Variants in ADIPOQ observed in about 807,000 individuals in gnomAD.
ADIPOQ encodes adiponectin, C1Q and collagen domain containing.
A neutral mutation model predicts 16.1 loss-of-function variants in ADIPOQ; 19 were observed. The ratio of observed to expected loss-of-function variants is 1.18; its 90% CI spans 0.82 to 1.73. The LOEUF is 1.73. Ranked by LOEUF, ADIPOQ falls within the 40% of genes most tolerant of loss-of-function variation. The pLI, the probability that ADIPOQ is intolerant of heterozygous loss-of-function variation, is 0.00. For synonymous variants in ADIPOQ, 124 were observed against 125.5 expected (o/e 0.99, Z 0.08); for missense variants, 323 against 308.3 (o/e 1.05, Z -0.36).
intron 1 of ADIPOQ, among the ~76,000 whole-genome samples, chr3:186,849,900 A>G (rs1203550151): frequency 7.1e-6 from 1 of 140,292 alleles, no homozygotes; most frequent in Non-Finnish European, 1.6e-5. Flanking sequence ...AATTTTAACT[A>G]TATCAAACAA....
At chr3:186,849,441 C>T (rs989792536) in intron 1 of ADIPOQ, among the ~76,000 whole-genome samples, 3 of 152,198 alleles carry the variant, frequency 2.0e-5, no homozygotes, top group Admixed American at 2.0e-4. Flanking sequence ...CTTGGCTTCT[C>T]ATGTAGCTCA....
chr3:186,855,205 G>A lies in ADIPOQ; in HGVS notation c.*501G>A. 5.9e-6 allele frequency: 1 copy of A among 170,562 alleles called. No homozygotes were observed. Among genetic ancestry groups the A allele is most frequent in the Admixed American group, 5.6e-5 (1 of 18,006 alleles). The allele number at this position is 170,562 out of a possible 1,614,324, so 10.6% of individuals were successfully genotyped here. A position where few individuals can be genotyped will look rare whatever the true frequency, so the allele number is the denominator to read the frequency against. ...TGTCTGTTTCCCACCTCACCTGAGA[G>A]CCATTGAATTTGCCTTCCTCATGAA... On this transcript the variant is annotated 3_prime_UTR_variant, in exon 3 of 3. Transcript: ENST00000320741.
chr3:186,845,374 A>C (rs1305934431), intron 1 of ADIPOQ, among the ~76,000 whole-genome samples: 2 of 151,642 alleles, frequency 1.3e-5, no homozygotes, highest in South Asian at 2.1e-4. Context: ...ATTTATTTTT[A>C]TTTTTATTTT....
At chr3:186,843,237 T>C (rs1276487442) in intron 1 of ADIPOQ, among the ~76,000 whole-genome samples, 2 of 152,172 alleles carry the variant, frequency 1.3e-5, no homozygotes. Context: ...ACTCAGCAAA[T>C]ATTTACTGAG....
At chr3:186,853,978 G>A (rs1579209697) in intron 2 of ADIPOQ, 1 of 585,160 alleles carries the variant, frequency 1.7e-6, no homozygotes, top group East Asian at 2.8e-5. Flanking sequence ...GATAAAGATA[G>A]AGTTGAAATT....
intron 1 of ADIPOQ, among the ~76,000 whole-genome samples, chr3:186,845,192 G>T (rs185574051): frequency 1.2e-3 from 186 of 151,974 alleles, no homozygotes; most frequent in African/African-American, 4.2e-3. Flanking sequence ...GTGTATGGGT[G>T]CGGGTATGTG....
In ADIPOQ at chr3:186,854,815, TTCATTCATTTAC is replaced by T; in HGVS notation, c.*123_*134del. 2 of 1,384,894 alleles carry T rather than the reference TTCATTCATTTAC, an allele frequency of 1.4e-6. No individual in the cohort carries two copies. The highest frequency in any genetic ancestry group is 2.5e-4 in the Middle Eastern group (1 of 3,972). The allele number at this position is 1,384,894 out of a possible 1,614,324, so 85.8% of individuals were successfully genotyped here. A position where few individuals can be genotyped will look rare whatever the true frequency, so the allele number is the denominator to read the frequency against. ...TTTAGTTGGAGGCCTTTAGATATTA[TTCATTCATTTAC>T]TCATTCATTTATTCATTCATTCATC... is the stretch of plus-strand genomic sequence containing the variant. On this transcript the variant is annotated 3_prime_UTR_variant, in exon 3 of 3. Coordinates refer to ENST00000320741, the MANE Select transcript of ADIPOQ (RefSeq NM_004797.4).
At position 186,854,999 on chromosome 3, in the gene ADIPOQ, C is replaced by A. The variant is rs1711943615; in HGVS notation, c.*295C>A. 2.3e-6 allele frequency: 1 copy of A among 442,528 alleles called. No homozygotes were observed. Among genetic ancestry groups the A allele is most frequent in the East Asian group, 4.8e-5 (1 of 20,656 alleles). 27.4% of individuals were successfully genotyped at this position (442,528 alleles called of 1,614,324 possible). A position where few individuals can be genotyped will look rare whatever the true frequency, so the allele number is the denominator to read the frequency against. ...ATGCTCATATCAATCCTATAAGGCA[C>A]AGGGAACAAGCATTCTCCTGTTTTT... On this transcript the variant is annotated 3_prime_UTR_variant, in exon 3 of 3. Transcript: ENST00000320741.
chr3:186,844,507 A>G (rs1711527598), intron 1 of ADIPOQ, among the ~76,000 whole-genome samples: 1 of 66,236 alleles, frequency 1.5e-5, no homozygotes, highest in Non-Finnish European at 2.8e-5. Flanking sequence ...GCAAAACTCC[A>G]TCTCAAAAAA....
At chr3:186,848,557 C>A (rs1199564359) in intron 1 of ADIPOQ, among the ~76,000 whole-genome samples, 2 of 152,032 alleles carry the variant, frequency 1.3e-5, no homozygotes, top group Non-Finnish European at 2.9e-5. Context: ...ATCCGCTAAA[C>A]GGGATTATGT....
At position 186,857,723 on chromosome 3, in the gene ADIPOQ, T is replaced by C. The variant is rs975755955; in HGVS notation, c.*3019T>C. ...TCCAATTCTCTTTAGTTCTGTCAGC[T>C]TTTGCTTCATATATTTTAGCGCTCT... On this transcript the variant is annotated 3_prime_UTR_variant, in exon 3 of 3. Coordinates refer to ENST00000320741, the MANE Select transcript of ADIPOQ (RefSeq NM_004797.4). 3 of 152,216 alleles carry C rather than the reference T, an allele frequency of 2.0e-5. No homozygotes were observed. The highest frequency in any genetic ancestry group is 7.2e-5 in the African/African-American group (3 of 41,462). The allele number at this position is 152,216 out of a possible 1,614,324, so 9.4% of individuals were successfully genotyped here. A position where few individuals can be genotyped will look rare whatever the true frequency, so the allele number is the denominator to read the frequency against.
At chr3:186,844,087 C>T (rs1283872483) in intron 1 of ADIPOQ, among the ~76,000 whole-genome samples, 1 of 152,184 alleles carries the variant, frequency 6.6e-6, no homozygotes, top group Admixed American at 6.5e-5. Flanking sequence ...CAGAATATGT[C>T]CGAAGGAGCA....
intron 1 of ADIPOQ, among the ~76,000 whole-genome samples, chr3:186,848,255 A>G (rs1452446121): frequency 6.2e-5 from 4 of 64,438 alleles, no homozygotes; most frequent in African/African-American, 1.6e-4. Context: ...GGAAAGAAGG[A>G]AGGAAGGAAG....
At chr3:186,853,004 T>C in intron 1 of ADIPOQ, 47 bp from the exon 2 acceptor site, 6 of 1,598,018 alleles carry the variant, frequency 3.8e-6, no homozygotes, top group South Asian at 1.1e-5. Flanking sequence ...TGGGTGTGTG[T>C]GTGGGGTCTG....
Position 186,854,506 on chromosome 3 carries a change from CA to C in ADIPOQ, c.539del (p.Lys180ArgfsTer69). ...DVKVSLFKKD[K>X]AMLFTYDQYQ... ...TGAAGGTCAGCCTCTTCAAGAAGGACAAGGCTATGCTCTTCACCTATGATCA... is the reference window on the plus strand; with the variant it reads ...TGAAGGTCAGCCTCTTCAAGAAGGACAGGCTATGCTCTTCACCTATGATCA... On this transcript the variant is annotated frameshift_variant, in exon 3 of 3. Coordinates refer to ENST00000320741, the MANE Select transcript of ADIPOQ (RefSeq NM_004797.4). LOFTEE classifies it high-confidence loss of function. The C allele has an allele frequency of 4.3e-6, 7 of 1,614,162 alleles. No homozygotes were observed. Among genetic ancestry groups the C allele is most frequent in the Non-Finnish European group, 5.9e-6 (7 of 1,179,982 alleles).
chr3:186,854,880 T>C lies in ADIPOQ; in HGVS notation c.*176T>C. On this transcript the variant is annotated 3_prime_UTR_variant, in exon 3 of 3. Transcript: ENST00000320741. Reference sequence around the variant, plus strand: ...GTAACTTTAAAAAAATCATATGCTATGTTCCCAGTCCTGGGGAGCTTCACA... The same window carrying C: ...GTAACTTTAAAAAAATCATATGCTACGTTCCCAGTCCTGGGGAGCTTCACA... 1.1e-6 allele frequency: 1 copy of C among 929,004 alleles called. No individual in the cohort carries two copies. The highest frequency in any genetic ancestry group is 1.6e-6 in the Non-Finnish European group (1 of 619,434). The allele number at this position is 929,004 out of a possible 1,614,324, so 57.5% of individuals were successfully genotyped here.
chr3:186,842,814 C>T (rs1458337926), intron 1 of ADIPOQ, 65 bp downstream of exon 1: 1 of 152,474 alleles, frequency 6.6e-6, no homozygotes, highest in Admixed American at 6.5e-5. Flanking sequence ...TGGCTGGGAT[C>T]ACCCAGGCTC....
intron 1 of ADIPOQ, chr3:186,852,250 G>A (rs564517469): frequency 6.6e-6 from 1 of 152,642 alleles, no homozygotes; most frequent in Admixed American, 6.5e-5. Flanking sequence ...ACACAGAGGG[G>A]AAAGAACCAG....
chr3:186,854,568 C>G lies in ADIPOQ; in HGVS notation c.599C>G (p.Ser200Cys). 1 of 1,614,062 alleles carries G rather than the reference C, an allele frequency of 6.2e-7. No individual in the cohort carries two copies. The highest frequency in any genetic ancestry group is 8.5e-7 in the Non-Finnish European group (1 of 1,179,920). ...AATAATGTGGACCAGGCCTCCGGCT[C>G]TGTGCTCCTGCATCTGGAGGTGGGC... is the stretch of plus-strand genomic sequence containing the variant. ...QENNVDQASG[S>C]VLLHLEVGDQ... Residue 200 changes from serine to cysteine, a missense_variant, in exon 3 of 3, where the codon TCT becomes TGT. Ser to Cys is a moderately radical substitution (Grantham distance 112). Coordinates refer to ENST00000320741, the MANE Select transcript of ADIPOQ (RefSeq NM_004797.4).
Sources: gnomAD v4.1 joint callset for allele counts (sites outside exome capture counted in the v4.1 genomes callset) on GRCh38, gnomAD v4.1.1 for gene constraint, MANE v1.5 for transcripts, NCBI Gene and HGNC (gene_info 2026-07-23, HGNC 2026-07-21) for gene names.